LYPLAL1: variants seen among roughly 807,000 people sequenced by gnomAD.
LYPLAL1 encodes lysophospholipase like 1.
A neutral mutation model predicts 19.7 loss-of-function variants in LYPLAL1; 23 were observed. That is an observed-to-expected ratio of 1.17 (90% CI 0.84 to 1.65). LYPLAL1 has a LOEUF of 1.65. Among genes scored for constraint, LYPLAL1 ranks in the 40% most tolerant of loss-of-function variants. The pLI is 0.00. For missense variants in LYPLAL1, 355 were observed against 279.4 expected (o/e 1.27, Z -1.93); for synonymous variants, 119 against 96.3 (o/e 1.24, Z -1.38).
At chr1:219,276,480 CAT>C in the LYPLAL1 span, among the ~76,000 whole-genome samples, 5 of 152,120 alleles carry the variant, frequency 3.3e-5, no homozygotes, top group Non-Finnish European at 5.9e-5. Flanking sequence ...TTGTCTAAGA[CAT>C]AGAATTGAGT....
chr1:219,282,823 C>G, the LYPLAL1 span, among the ~76,000 whole-genome samples: 1 of 151,850 alleles, frequency 6.6e-6, no homozygotes, highest in African/African-American at 2.4e-5. Flanking sequence ...CATAGTAAAC[C>G]AACAAAGAAA....
At chr1:219,253,216 A>AT in the LYPLAL1 span, among the ~76,000 whole-genome samples, 2 of 151,456 alleles carry the variant, frequency 1.3e-5, no homozygotes, top group Non-Finnish European at 3.0e-5. Flanking sequence ...TATTTTATTA[A>AT]TTTTTTTCAA....
the LYPLAL1 span, among the ~76,000 whole-genome samples, chr1:219,261,317 GGTGATT>G: frequency 6.6e-6 from 1 of 152,132 alleles, no homozygotes; most frequent in African/African-American, 2.4e-5. Flanking sequence ...ACCACCTGGT[GGTGATT>G]GTCTGCTCAA....
the LYPLAL1 span, among the ~76,000 whole-genome samples, chr1:219,445,462 A>G: frequency 6.6e-6 from 1 of 151,722 alleles, no homozygotes; most frequent in Non-Finnish European, 1.5e-5. Flanking sequence ...TAAGAGAAAA[A>G]AGGTGAAAAT....
At chr1:219,380,490 C>A in the LYPLAL1 span, among the ~76,000 whole-genome samples, 1 of 152,152 alleles carries the variant, frequency 6.6e-6, no homozygotes, top group African/African-American at 2.4e-5. Flanking sequence ...TGGGAGCATC[C>A]CAAGGGAAGT....
chr1:219,327,206 A>G, the LYPLAL1 span, among the ~76,000 whole-genome samples: 1 of 152,194 alleles, frequency 6.6e-6, no homozygotes, highest in African/African-American at 2.4e-5. Flanking sequence ...CTTCACCAAC[A>G]TCACTGCTTC....
the LYPLAL1 span, among the ~76,000 whole-genome samples, chr1:219,261,495 C>T: frequency 2.0e-5 from 3 of 152,174 alleles, no homozygotes; most frequent in Non-Finnish European, 4.4e-5. Context: ...TAAATACTAA[C>T]TCATGAAGAA....
chr1:219,197,290 A>G (rs1430870205), intron 3 of LYPLAL1, among the ~76,000 whole-genome samples: 5 of 152,194 alleles, frequency 3.3e-5, no homozygotes, highest in Non-Finnish European at 7.3e-5. Flanking sequence ...ACATAGACCA[A>G]TGGAACAGAA....
chr1:219,412,705 T>C, the LYPLAL1 span, among the ~76,000 whole-genome samples: 1 of 152,340 alleles, frequency 6.6e-6, no homozygotes, highest in East Asian at 1.9e-4. Flanking sequence ...AAGAACACTG[T>C]TACTTATCAC....
the LYPLAL1 span, among the ~76,000 whole-genome samples, chr1:219,239,965 A>G: frequency 6.6e-6 from 1 of 152,272 alleles, no homozygotes. Flanking sequence ...AAAAGGTCAC[A>G]GTATTTCTAC....
chr1:219,250,518 A>C, the LYPLAL1 span, among the ~76,000 whole-genome samples: 1 of 151,872 alleles, frequency 6.6e-6, no homozygotes. Context: ...ATAGGTAAAC[A>C]TGTGTCATGG....
chr1:219,310,091 T>C, the LYPLAL1 span, among the ~76,000 whole-genome samples: 1 of 152,216 alleles, frequency 6.6e-6, no homozygotes, highest in Non-Finnish European at 1.5e-5. Flanking sequence ...AGACTGAGCC[T>C]CAGCTTTGCT....
At chr1:219,225,824 T>C in the LYPLAL1 span, among the ~76,000 whole-genome samples, 1 of 152,184 alleles carries the variant, frequency 6.6e-6, no homozygotes, top group Non-Finnish European at 1.5e-5. Flanking sequence ...TCGTCTCCCA[T>C]GTTACAGTGC....
At chr1:219,343,107 A>G in the LYPLAL1 span, among the ~76,000 whole-genome samples, 1 of 152,210 alleles carries the variant, frequency 6.6e-6, no homozygotes, top group Non-Finnish European at 1.5e-5. Flanking sequence ...AGCATCTGTA[A>G]TATGGATGTG....
the LYPLAL1 span, among the ~76,000 whole-genome samples, chr1:219,289,503 C>T: frequency 0.94 from 143,738 of 152,152 alleles, 68,131 homozygotes; most frequent in East Asian, 1. Context: ...AGACAGAACA[C>T]GGCAAGAGAG....
rs1657098727 is a variant in LYPLAL1, at chr1:219,190,641, A to AAC, written c.192-2440_192-2439dup. 1.3e-5 allele frequency among the ~76,000 whole-genome samples: 2 copies of AAC among 150,656 alleles called. 1 individual carries two copies. The highest frequency in any genetic ancestry group is 4.2e-4 in the South Asian group (2 of 4,808). Reference sequence around the variant, plus strand: ...GTCCAGTAAAAAAAAAAAAAAAAAAAACCCTTAAGTACATAATAACGTAAT... The same window carrying AAC: ...GTCCAGTAAAAAAAAAAAAAAAAAAAACACCCTTAAGTACATAATAACGTAAT... On this transcript the variant is annotated intron_variant, in intron 2 of 4. Coordinates refer to ENST00000366928, the MANE Select transcript of LYPLAL1 (RefSeq NM_138794.5).
At chr1:219,404,939 T>G in the LYPLAL1 span, among the ~76,000 whole-genome samples, 8 of 152,216 alleles carry the variant, frequency 5.3e-5, no homozygotes, top group Non-Finnish European at 8.8e-5. Flanking sequence ...AAATTGTTTA[T>G]GAAAAGCAAC....
chr1:219,378,835 T>C, the LYPLAL1 span, among the ~76,000 whole-genome samples: 4 of 152,114 alleles, frequency 2.6e-5, no homozygotes, highest in Non-Finnish European at 5.9e-5. Flanking sequence ...ATAGACAATA[T>C]ATTTTTAATT....
chr1:219,365,693 A>G, the LYPLAL1 span, among the ~76,000 whole-genome samples: 6 of 152,176 alleles, frequency 3.9e-5, no homozygotes, highest in Admixed American at 1.3e-4. Flanking sequence ...GTTTAGTCAT[A>G]AAGGAAAGAC....
Sources: gnomAD v4.1 joint callset for allele counts (sites outside exome capture counted in the v4.1 genomes callset) on GRCh38, gnomAD v4.1.1 for gene constraint, MANE v1.5 for transcripts, NCBI Gene and HGNC (gene_info 2026-07-23, HGNC 2026-07-21) for gene names.